CLPX: variants seen among roughly 807,000 people sequenced by gnomAD.
The protein encoded by CLPX is caseinolytic mitochondrial matrix peptidase chaperone subunit X.
A neutral mutation model predicts 76.4 loss-of-function variants in CLPX; 34 were observed. That is an observed-to-expected ratio of 0.45 (90% CI 0.34 to 0.59). The LOEUF (loss-of-function observed/expected upper bound fraction) is 0.59. CLPX is among the 20% of genes least tolerant of loss of function. The pLI is 0.01. For missense variants in CLPX, 613 were observed against 757.0 expected (o/e 0.81, Z 2.23); for synonymous variants, 248 against 270.9 (o/e 0.92, Z 0.83).
chr15:65,180,931 T>G (rs1001939058), intron 1 of CLPX, among the ~76,000 whole-genome samples: 1 of 147,718 alleles, frequency 6.8e-6, no homozygotes, highest in African/African-American at 2.5e-5. Flanking sequence ...TCTGTAACAA[T>G]GGAAACAAAC....
intron 6 of CLPX, among the ~76,000 whole-genome samples, chr15:65,160,623 TCACA>T (rs375655324): frequency 0.055 from 5,527 of 100,702 alleles, 284 homozygotes; most frequent in African/African-American, 0.16. Context: ...TCTCTCTCTC[TCACA>T]CACACACACA....
At chr15:65,170,944 T>C (rs2087995993) in intron 3 of CLPX, among the ~76,000 whole-genome samples, 1 of 146,794 alleles carries the variant, frequency 6.8e-6, no homozygotes, top group Non-Finnish European at 1.5e-5. Flanking sequence ...TGCCTCAGCC[T>C]CTGGAGTAGC....
At chr15:65,167,966 A>G (rs1039086739) in intron 3 of CLPX, among the ~76,000 whole-genome samples, 2 of 152,088 alleles carry the variant, frequency 1.3e-5, no homozygotes, top group African/African-American at 4.8e-5. Flanking sequence ...CTCTGATCAA[A>G]AAACCACTAA....
chr15:65,154,479 T>C (rs1221366789), intron 11 of CLPX, among the ~76,000 whole-genome samples: 2 of 152,200 alleles, frequency 1.3e-5, no homozygotes, highest in African/African-American at 2.4e-5. Context: ...CAAAAGCATT[T>C]AGAATACCAA....
In CLPX at chr15:65,179,008, T is replaced by C; in HGVS notation, c.284A>G (p.Asn95Ser). 1 of 1,612,314 alleles carries C rather than the reference T, an allele frequency of 6.2e-7. No homozygotes were observed. Among genetic ancestry groups the C allele is most frequent in the South Asian group, 1.1e-5 (1 of 90,850 alleles). The part of the protein sequence containing the change: ...EGSSKKSGSG[N>S]SGKGGNQLRC... ...CAGCTGGTTTCCACCTTTCCCAGAA[T>C]TCCCAGAGCCTGATTTCTTACTACT... is the stretch of plus-strand genomic sequence containing the variant. The change falls in exon 3 of 14, where the codon AAT (asparagine) becomes AGT (serine). Residue 95 changes from asparagine to serine, a missense_variant. Asn to Ser is a conservative substitution (Grantham distance 46). Around this residue, in one of 2 missense-constraint regions of CLPX, gnomAD observed 163 missense variants for 118.4 expected, o/e 1.38. Coordinates refer to ENST00000300107, the MANE Select transcript of CLPX (RefSeq NM_006660.5).
intron 10 of CLPX, among the ~76,000 whole-genome samples, chr15:65,155,465 C>T (rs1008308225): frequency 1.3e-5 from 2 of 152,154 alleles, no homozygotes; most frequent in Non-Finnish European, 2.9e-5. Flanking sequence ...CCAGGCTGGT[C>T]TTGAACTCCT....
At chr15:65,154,756 C>T (rs748154484) in intron 11 of CLPX, 26 bp downstream of exon 11, 8 of 1,536,764 alleles carry the variant, frequency 5.2e-6, no homozygotes, top group Non-Finnish European at 7.1e-6. Context: ...TAAAAAATAA[C>T]TAAGTACAAA....
In CLPX at chr15:65,185,111, G is replaced by A. The variant is rs751640296; in HGVS notation, c.43C>T (p.Arg15Trp). 1.2e-5 allele frequency: 19 copies of A among 1,583,658 alleles called. No homozygotes were observed. Among genetic ancestry groups the A allele is most frequent in the Non-Finnish European group, 3.4e-6 (4 of 1,165,982 alleles). ...GAGGCGAGTGAGGAGGTGATGAGCCGGACGGCCGCCGCGCCGCAAGTACAA... is the reference window on the plus strand; with the variant it reads ...GAGGCGAGTGAGGAGGTGATGAGCCAGACGGCCGCCGCGCCGCAAGTACAA... ...GACTCGAAAV[R>W]LITSSLASAQ... The change falls in exon 1 of 14, where the codon CGG becomes TGG. Residue 15 changes from arginine to tryptophan, a missense_variant. Transcript: ENST00000300107.
Position 65,185,030 on chromosome 15 carries a change from C to CCT in CLPX, c.79+44_79+45insAG, listed in dbSNP as rs781757717. On this transcript the variant is annotated intron_variant, in intron 1 of 13. Coordinates refer to ENST00000300107, the MANE Select transcript of CLPX (RefSeq NM_006660.5). ...CCCCCAACCATTGGCCAGTCCACCC[C>CCT]CCCCCCGACAGGCTGAGGGCTCAGG... 1.9e-5 allele frequency: 29 copies of CCT among 1,489,884 alleles called. 1 individual carries two copies. The African/African-American group carries it at 3.1e-4, about 16-fold the overall frequency. 92.3% of individuals were successfully genotyped at this position (1,489,884 alleles called of 1,614,324 possible).
rs760385301 is a variant in CLPX at position 65,180,143 on chromosome 15, C to G, written c.141G>C (p.Gln47His). ...ATCTAAGAGGAGCTCTTTGCAGAAT[C>G]TGAGTTTCAAATGTCCCAAGCCTTC... ...VLGRLGTFET[Q>H]ILQRAPLRSF... The change falls in exon 2 of 14, where the codon CAG (glutamine) becomes CAC (histidine). Residue 47 changes from glutamine to histidine, a missense_variant. By Grantham distance (24) the Gln-to-His change is conservative. Transcript: ENST00000300107. 6 of 1,612,542 alleles carry G rather than the reference C, an allele frequency of 3.7e-6. No individual in the cohort carries two copies. In the Admixed American group the frequency reaches 1.0e-4, roughly 27 times the overall value.
chr15:65,165,837 T>C (rs1448567203), intron 4 of CLPX, among the ~76,000 whole-genome samples: 1 of 152,220 alleles, frequency 6.6e-6, no homozygotes, highest in Admixed American at 6.5e-5. Context: ...CTTTATTCCT[T>C]ACAAATTATA....
rs111843569 is a variant in CLPX, at chr15:65,156,985, A to C, written c.1058-53T>G. 2.6e-5 allele frequency: 31 copies of C among 1,199,352 alleles called. No homozygotes were observed. The African/African-American group carries it at 3.8e-4, about 15-fold the overall frequency. The allele number at this position is 1,199,352 out of a possible 1,614,324, so 74.3% of individuals were successfully genotyped here. A position where few individuals can be genotyped will look rare whatever the true frequency, so the allele number is the denominator to read the frequency against. ...AATACGAAAAAGATATACACAAGAT[A>C]GCCTCAGCTTTAAAATACTTAGGTA... On this transcript the variant is annotated intron_variant, in intron 8 of 13. Coordinates refer to ENST00000300107, the MANE Select transcript of CLPX (RefSeq NM_006660.5).
chr15:65,176,797 G>T (rs1250899460), intron 3 of CLPX, among the ~76,000 whole-genome samples: 1 of 151,592 alleles, frequency 6.6e-6, no homozygotes, highest in African/African-American at 2.4e-5. Flanking sequence ...GTTTCACCAC[G>T]TTGGCCAGGC....
chr15:65,156,273 T>C (rs1321711899), intron 9 of CLPX, among the ~76,000 whole-genome samples: 1 of 152,160 alleles, frequency 6.6e-6, no homozygotes, highest in Non-Finnish European at 1.5e-5. Context: ...TGAGACTACC[T>C]ATATTTGGAG....
At chr15:65,173,365 C>CAAAA (rs35763100) in intron 3 of CLPX, among the ~76,000 whole-genome samples, 17 of 51,932 alleles carry the variant, frequency 3.3e-4, no homozygotes, top group African/African-American at 5.5e-4. Context: ...GACTCTGTCT[C>CAAAA]AAAAAAAAAA....
intron 1 of CLPX, among the ~76,000 whole-genome samples, chr15:65,183,237 C>A (rs1175339110): frequency 2.6e-5 from 4 of 151,412 alleles, no homozygotes; most frequent in Non-Finnish European, 5.9e-5. Context: ...CCGAGGCGGA[C>A]GGATCACAAG....
chr15:65,166,926 G>C, intron 3 of CLPX, 141 bp from the exon 4 acceptor site: 1 of 747,704 alleles, frequency 1.3e-6, no homozygotes, highest in South Asian at 2.0e-5. Flanking sequence ...CACACAAACA[G>C]CCTCATTTAT....
chr15:65,161,253 A>G (rs562667928), intron 6 of CLPX, among the ~76,000 whole-genome samples: 97 of 152,272 alleles, frequency 6.4e-4, no homozygotes, highest in African/African-American at 1.7e-3. Context: ...AAAGATGGAG[A>G]AAAAAAGCCA....
At chr15:65,173,007 CCT>C (rs1334393242) in intron 3 of CLPX, among the ~76,000 whole-genome samples, 2 of 152,064 alleles carry the variant, frequency 1.3e-5, no homozygotes, top group Non-Finnish European at 2.9e-5. Context: ...AGAGCAAGAC[CCT>C]GTTTCTAAAA....
Sources: gnomAD v4.1 joint callset for allele counts (sites outside exome capture counted in the v4.1 genomes callset) on GRCh38, gnomAD v4.1.1 for gene constraint, gnomAD v4.1.1 regional missense constraint, MANE v1.5 for transcripts, NCBI Gene and HGNC (gene_info 2026-07-23, HGNC 2026-07-21) for gene names.